FAM47E: variants seen among roughly 807,000 people sequenced by gnomAD.
FAM47E encodes protein FAM47E.
In FAM47E, 32 loss-of-function variants were observed where a neutral mutation model predicts 41.6. The observed-to-expected ratio is 0.77, with a 90% CI of 0.58 to 1.03. The LOEUF (loss-of-function observed/expected upper bound fraction) is 1.03. Among genes scored for constraint, FAM47E ranks in the 50% least tolerant of loss-of-function variants. The probability of loss-of-function intolerance (pLI) is 0.00; values close to 1 mark genes in which losing one functional copy is unlikely to be tolerated. For synonymous variants in FAM47E, 184 were observed against 188.7 expected (o/e 0.98, Z 0.20); for missense variants, 424 against 485.4 (o/e 0.87, Z 1.19).
At chr4:76,233,156 T>C (rs1733521704) in intron 2 of FAM47E, among the ~76,000 whole-genome samples, 1 of 152,252 alleles carries the variant, frequency 6.6e-6, no homozygotes, top group Non-Finnish European at 1.5e-5. Flanking sequence ...AATTACATGT[T>C]GTAATGGTAA....
At chr4:76,217,507 TC>T (rs1733228867) in intron 1 of FAM47E, 2 of 414,072 alleles carry the variant, frequency 4.8e-6, no homozygotes, top group South Asian at 8.5e-5. Flanking sequence ...AGCTGGCACC[TC>T]CTCCTTCTCT....
At chr4:76,259,190 G>A (rs909032023) in intron 2 of FAM47E, among the ~76,000 whole-genome samples, 1 of 152,166 alleles carries the variant, frequency 6.6e-6, no homozygotes, top group Non-Finnish European at 1.5e-5. Context: ...ATAACACCGT[G>A]GTTGCCTTCG....
intron 5 of FAM47E, among the ~76,000 whole-genome samples, chr4:76,276,239 A>C (rs1344706945): frequency 6.6e-6 from 1 of 152,238 alleles, no homozygotes; most frequent in Non-Finnish European, 1.5e-5. Flanking sequence ...TATATTTTAG[A>C]GAACAAGAAG....
At chr4:76,264,972 C>A (rs938639951) in intron 3 of FAM47E, among the ~76,000 whole-genome samples, 1 of 152,308 alleles carries the variant, frequency 6.6e-6, no homozygotes, top group East Asian at 1.9e-4. Flanking sequence ...AGCCTATCCA[C>A]AGTACCCAGA....
At chr4:76,268,440 G>A (rs1028240832) in intron 3 of FAM47E, 3 of 465,674 alleles carry the variant, frequency 6.4e-6, no homozygotes, top group Non-Finnish European at 1.1e-5. Context: ...TAAATGCTAT[G>A]TAAGTTTTAA....
At chr4:76,248,896 T>A (rs550651358), upstream of FAM47E, among the ~76,000 whole-genome samples, 13 of 152,286 alleles carry the variant, frequency 8.5e-5, no homozygotes, top group African/African-American at 3.1e-4. Context: ...ATTTTCCAGG[T>A]GTTTATTTCT....
intron 2 of FAM47E, among the ~76,000 whole-genome samples, chr4:76,234,002 T>C (rs1733538037): frequency 6.6e-6 from 1 of 152,246 alleles, no homozygotes; most frequent in Non-Finnish European, 1.5e-5. Flanking sequence ...AAGTGGTTCC[T>C]TCACCAGGGA....
intron 2 of FAM47E, among the ~76,000 whole-genome samples, chr4:76,258,004 C>G (rs1013339549): frequency 1.3e-5 from 2 of 152,300 alleles, no homozygotes; most frequent in South Asian, 2.1e-4. Flanking sequence ...CAGTTAATTT[C>G]TCTCTGGGGC....
At chr4:76,271,883 G>T in intron 5 of FAM47E, 115 bp downstream of exon 5, 1 of 1,231,684 alleles carries the variant, frequency 8.1e-7, no homozygotes, top group South Asian at 1.9e-5. Context: ...TAGAATTCTG[G>T]AATTTTTTTC....
At chr4:76,245,505 C>CCTGA (rs1330329306) in intron 2 of FAM47E, among the ~76,000 whole-genome samples, 3 of 152,100 alleles carry the variant, frequency 2.0e-5, no homozygotes, top group African/African-American at 7.2e-5. Context: ...AGAAAAATAG[C>CCTGA]CTGACTGTTC....
In FAM47E at chr4:76,263,781, G is replaced by A. The variant is rs1450305178; in HGVS notation, c.498G>A (p.Arg166=). The A allele has an allele frequency of 8.4e-6, 13 of 1,551,466 alleles. No individual in the cohort carries two copies. The East Asian group carries it at 2.7e-4, about 32-fold the overall frequency. The stretch of plus-strand genomic sequence containing the variant: ...CATGGGCTTATTGTCAGGACACCAG[G>A]AAAGGAATGAAGGAACCCACGAAGC... ...EDTWAYCQDT[R]KGMKEPTKLL... The change falls in exon 3 of 8, where the codon AGG becomes AGA. Residue 166 remains arginine (R), a synonymous_variant. Coordinates refer to ENST00000424749, the MANE Select transcript of FAM47E (RefSeq NM_001136570.3).
intron 1 of FAM47E, among the ~76,000 whole-genome samples, chr4:76,216,346 G>T (rs568709257): frequency 6.6e-6 from 1 of 152,112 alleles, no homozygotes; most frequent in Non-Finnish European, 1.5e-5. Context: ...TGCCTGCCTA[G>T]GTACTTTGGC....
intron 2 of FAM47E, among the ~76,000 whole-genome samples, chr4:76,220,031 T>C (rs1296154120): frequency 1.3e-5 from 2 of 152,258 alleles, no homozygotes; most frequent in Non-Finnish European, 2.9e-5. Context: ...TCAATTGCAC[T>C]GCAAGCTATC....
chr4:76,222,496 G>A (rs1418279733), intron 2 of FAM47E, among the ~76,000 whole-genome samples: 1 of 152,152 alleles, frequency 6.6e-6, no homozygotes, highest in Non-Finnish European at 1.5e-5. Context: ...CCAAAGTGCT[G>A]GGATTACAGG....
At chr4:76,277,833 C>T (rs6812193) in intron 5 of FAM47E, among the ~76,000 whole-genome samples, 56,762 of 152,046 alleles carry the variant, frequency 0.37, 11,039 homozygotes, top group Middle Eastern at 0.48. Flanking sequence ...TGGATTTGAA[C>T]CCTGGTCTGT....
intron 1 of FAM47E, among the ~76,000 whole-genome samples, chr4:76,253,724 A>C (rs1194014066): frequency 6.6e-6 from 1 of 151,794 alleles, no homozygotes; most frequent in Non-Finnish European, 1.5e-5. Flanking sequence ...GGATTACTTG[A>C]GTCTGAGAGG....
chr4:76,251,911 G>T, intron 1 of FAM47E, 91 bp downstream of exon 1: 1 of 1,344,782 alleles, frequency 7.4e-7, no homozygotes, highest in Non-Finnish European at 9.5e-7. Context: ...GGGGGCGAGG[G>T]GAGAGGTCCA....
At chr4:76,264,131 G>A (rs1734532866) in intron 3 of FAM47E, among the ~76,000 whole-genome samples, 1 of 152,174 alleles carries the variant, frequency 6.6e-6, no homozygotes, top group African/African-American at 2.4e-5. Flanking sequence ...GAAAATCCTT[G>A]ATTTTGAGGC....
At chr4:76,278,272 A>G in intron 6 of FAM47E, 48 bp downstream of exon 6, 1 of 1,433,470 alleles carries the variant, frequency 7.0e-7, no homozygotes, top group African/African-American at 1.4e-5. Flanking sequence ...AGATGATCAC[A>G]GTGCATCTGC....
Sources: gnomAD v4.1 joint callset for allele counts (sites outside exome capture counted in the v4.1 genomes callset) on GRCh38, gnomAD v4.1.1 for gene constraint, MANE v1.5 for transcripts, NCBI Gene and HGNC (gene_info 2026-07-23, HGNC 2026-07-21) for gene names.